The following ACYP2 variants were observed in gnomAD, a reference collection of about 807,000 sequenced individuals.
ACYP2 encodes the protein acylphosphatase-2.
ACYP2 carries 12 observed loss-of-function variants against 11.2 expected under a neutral mutation model. The ratio of observed to expected loss-of-function variants is 1.08; its 90% confidence interval spans 0.69 to 1.74. ACYP2 has a LOEUF of 1.74. Among genes scored for constraint, ACYP2 ranks in the 40% most tolerant of loss-of-function variants. The pLI, the probability that ACYP2 is intolerant of heterozygous loss-of-function variation, is 0.00. For missense variants in ACYP2, 134 were observed against 101.9 expected, an observed-to-expected ratio of 1.31 and a Z score of -1.35; for synonymous variants, 43 against 32.2, an observed-to-expected ratio of 1.33 and a Z score of -1.13.
intron 6 of ACYP2, among the ~76,000 whole-genome samples, chr2:54,282,780 A>C (rs1260967324): frequency 6.6e-6 from 1 of 152,118 alleles, no homozygotes; most frequent in Non-Finnish European, 1.5e-5. Context: ...GTGACTTATA[A>C]TTAAATGCTG....
intron 6 of ACYP2, among the ~76,000 whole-genome samples, chr2:54,182,305 G>A (rs777087063): frequency 6.6e-6 from 1 of 151,714 alleles, no homozygotes; most frequent in Non-Finnish European, 1.5e-5. Context: ...TGATCCACCC[G>A]CCTCAGCCTC....
chr2:54,227,613 A>G (rs1686063145), intron 6 of ACYP2, among the ~76,000 whole-genome samples: 1 of 145,734 alleles, frequency 6.9e-6, no homozygotes, highest in Admixed American at 6.9e-5. Flanking sequence ...ACAGAGCAAG[A>G]CTCCATTTCA....
At chr2:54,202,864 T>A (rs960649550) in intron 6 of ACYP2, among the ~76,000 whole-genome samples, 1 of 151,710 alleles carries the variant, frequency 6.6e-6, no homozygotes, top group Non-Finnish European at 1.5e-5. Flanking sequence ...CAGTCTTGAT[T>A]ACTGTAGTTT....
Position 54,177,576 on chromosome 2 carries a change from A to T in ACYP2, c.404+38828A>T, listed in dbSNP as rs865824113. ...GGCAGGACCAGGACTGATACCTACT[A>T]TTTTTTTTTTTTTTTTCTGGAAACG... is the stretch of plus-strand genomic sequence containing the variant. On this transcript the variant is annotated intron_variant, in intron 6 of 6. Transcript: ENST00000607452. Among the ~76,000 whole-genome samples, 74 of 130,758 alleles carry T rather than the reference A, an allele frequency of 5.7e-4. 2 individuals carry two copies. The highest frequency in any genetic ancestry group is 4.5e-3 in the Admixed American group (58 of 12,800). 85.8% of individuals were successfully genotyped at this position (130,758 alleles called of 152,430 possible). A position where few individuals can be genotyped will look rare whatever the true frequency, so the allele number is the denominator to read the frequency against.
At chr2:54,046,426 C>T (rs531040496) in intron 2 of ACYP2, among the ~76,000 whole-genome samples, 2 of 150,716 alleles carry the variant, frequency 1.3e-5, no homozygotes, top group African/African-American at 4.9e-5. Flanking sequence ...TTGCAGTGAA[C>T]CTGCAGTGAA....
chr2:54,039,541 C>G (rs985230933), intron 2 of ACYP2, among the ~76,000 whole-genome samples: 3 of 152,136 alleles, frequency 2.0e-5, no homozygotes, highest in Non-Finnish European at 4.4e-5. Context: ...ATCCACTCAC[C>G]TTGGCCTCCC....
rs115122380 is a variant in ACYP2 at position 54,288,950 on chromosome 2, T to C, written c.405-15738T>C. On this transcript the variant is annotated intron_variant, in intron 6 of 6. Transcript: ENST00000607452. ...CTGGCTTTAGTTTCATGGTTGTAAC[T>C]TCTGCGACCCCAAGCTTTTAATTCT... Among the ~76,000 whole-genome samples the C allele has an allele frequency of 7.6e-3, 1,149 of 152,098 alleles. 39 individuals carry two copies. The highest frequency in any genetic ancestry group is 0.026 in the African/African-American group (1,085 of 41,364).
chr2:53,985,688 T>G (rs973144502), intron 2 of ACYP2, among the ~76,000 whole-genome samples: 13 of 152,170 alleles, frequency 8.5e-5, no homozygotes, highest in African/African-American at 3.1e-4. Context: ...ATGTTGCAAT[T>G]TAATCCTCAG....
In ACYP2 at chr2:54,127,662, C is replaced by T. The variant is rs181758568; in HGVS notation, c.278-7791C>T. Among the ~76,000 whole-genome samples, 8 of 149,556 alleles carry T rather than the reference C, an allele frequency of 5.3e-5. 1 individual carries two copies. In the South Asian group the frequency reaches 6.4e-4, roughly 12 times the overall value. On this transcript the variant is annotated intron_variant, in intron 4 of 6. Coordinates refer to ENST00000607452, the MANE Select transcript of ACYP2 (RefSeq NM_001320586.2). ...ACTCTAGAGGCTGAGGCCGGAGAAT[C>T]GCTTGAACCTGGGAGGCGGAGGTTG...
intron 2 of ACYP2, among the ~76,000 whole-genome samples, chr2:53,997,171 C>A (rs1302561752): frequency 6.6e-6 from 1 of 152,136 alleles, no homozygotes; most frequent in Non-Finnish European, 1.5e-5. Flanking sequence ...AAAACCAAAC[C>A]TATCTTTGAA....
chr2:54,302,269 C>T (rs1014116636), intron 6 of ACYP2, among the ~76,000 whole-genome samples: 10 of 152,180 alleles, frequency 6.6e-5, no homozygotes, highest in Admixed American at 1.3e-4. Flanking sequence ...CCTGCTCCTG[C>T]CAAAGTCACA....
chr2:54,050,803 C>G (rs1177451453), intron 2 of ACYP2, among the ~76,000 whole-genome samples: 5 of 151,974 alleles, frequency 3.3e-5, no homozygotes, highest in East Asian at 1.9e-4. Flanking sequence ...GAGGCAATGT[C>G]TTTTTCTGTC....
At chr2:54,230,861 G>A (rs1387325286) in intron 6 of ACYP2, among the ~76,000 whole-genome samples, 1 of 107,182 alleles carries the variant, frequency 9.3e-6, no homozygotes, top group African/African-American at 3.5e-5. Context: ...TCAAAGTCTT[G>A]CTCTTGTCCC....
At chr2:54,126,974 A>G (rs1461224155) in intron 4 of ACYP2, among the ~76,000 whole-genome samples, 1 of 148,544 alleles carries the variant, frequency 6.7e-6, no homozygotes, top group Non-Finnish European at 1.5e-5. Flanking sequence ...AAAAAAATTG[A>G]CATGCAAAAA....
intron 2 of ACYP2, among the ~76,000 whole-genome samples, chr2:53,990,915 G>C (rs888147682): frequency 2.6e-5 from 4 of 151,840 alleles, no homozygotes; most frequent in African/African-American, 9.7e-5. Flanking sequence ...TCCTGCCTCA[G>C]CCTCCCGAGT....
intron 4 of ACYP2, among the ~76,000 whole-genome samples, chr2:54,089,911 C>T (rs146160116): frequency 0.011 from 1,668 of 151,774 alleles, 14 homozygotes; most frequent in Admixed American, 0.028. Flanking sequence ...TTTGGGAGGC[C>T]GAGGCAGGCA....
intron 2 of ACYP2, among the ~76,000 whole-genome samples, chr2:53,989,143 C>G (rs1273293856): frequency 1.3e-5 from 2 of 152,156 alleles, no homozygotes; most frequent in Admixed American, 6.5e-5. Flanking sequence ...CATCGTTACT[C>G]TAACATGCAG....
At chr2:54,292,596 G>A (rs1286492334) in intron 6 of ACYP2, among the ~76,000 whole-genome samples, 1 of 151,942 alleles carries the variant, frequency 6.6e-6, no homozygotes, top group Non-Finnish European at 1.5e-5. Flanking sequence ...GTGCTGTCCT[G>A]TAGAATTTTA....
intron 6 of ACYP2, among the ~76,000 whole-genome samples, chr2:54,298,622 G>T (rs139167231): frequency 1.3e-5 from 2 of 152,320 alleles, no homozygotes; most frequent in Non-Finnish European, 2.9e-5. Flanking sequence ...ATCCCTCAAG[G>T]CTCAGGCTAC....
Sources: gnomAD v4.1 joint callset for allele counts (sites outside exome capture counted in the v4.1 genomes callset) on GRCh38, gnomAD v4.1.1 for gene constraint, MANE v1.5 for transcripts, NCBI Gene and HGNC (gene_info 2026-07-23, HGNC 2026-07-21) for gene names.